The following GRHL2 variants were observed in gnomAD, a reference collection of about 807,000 sequenced individuals.
GRHL2 encodes the protein grainyhead like transcription factor 2.
A neutral mutation model predicts 83.8 loss-of-function variants in GRHL2; 21 were observed. That is an observed-to-expected ratio of 0.25 (90% CI 0.18 to 0.36). The LOEUF (loss-of-function observed/expected upper bound fraction) is 0.36. Among genes scored for constraint, GRHL2 ranks in the 10% least tolerant of loss-of-function variants. The probability of loss-of-function intolerance (pLI) is 1.00; values close to 1 mark genes in which losing one functional copy is unlikely to be tolerated. For synonymous variants in GRHL2, 280 were observed against 278.9 expected, an observed-to-expected ratio of 1.00 and a Z score of -0.04; for missense variants, 623 against 781.8, an observed-to-expected ratio of 0.80 and a Z score of 2.42.
chr8:101,657,166 A>G (rs975708836), intron 14 of GRHL2, among the ~76,000 whole-genome samples: 5 of 152,198 alleles, frequency 3.3e-5, no homozygotes, highest in African/African-American at 9.6e-5. Flanking sequence ...GCAAGAGTCC[A>G]CTGCTTTTTT....
At chr8:101,503,672 C>T (rs1810276734) in intron 1 of GRHL2, among the ~76,000 whole-genome samples, 1 of 152,020 alleles carries the variant, frequency 6.6e-6, no homozygotes, top group African/African-American at 2.4e-5. Flanking sequence ...TCAGTATAAC[C>T]CTAAAAGCCT....
chr8:101,584,787 CCAGGTGGCTAGGTGGT>C (rs1380205237), intron 7 of GRHL2, among the ~76,000 whole-genome samples: 62 of 151,386 alleles, frequency 4.1e-4, no homozygotes, highest in East Asian at 1.6e-3. Flanking sequence ...AGTCAGGTAG[CCAGGTGGCTAGGTGGT>C]CAGGTGGCTA....
chr8:101,586,587 A>G (rs938205733), intron 7 of GRHL2, among the ~76,000 whole-genome samples: 9 of 152,192 alleles, frequency 5.9e-5, no homozygotes, highest in African/African-American at 2.2e-4. Flanking sequence ...CACTTGGTTT[A>G]TTCATTCATT....
At chr8:101,519,564 T>TA (rs1183211910) in intron 1 of GRHL2, among the ~76,000 whole-genome samples, 2 of 151,734 alleles carry the variant, frequency 1.3e-5, no homozygotes, top group Non-Finnish European at 2.9e-5. Context: ...CCAGCTTTTT[T>TA]TTTTTTTTTT....
the GRHL2 span, among the ~76,000 whole-genome samples, chr8:101,676,683 C>A: frequency 6.6e-6 from 1 of 152,230 alleles, no homozygotes; most frequent in Non-Finnish European, 1.5e-5. Flanking sequence ...ACTAGAAATA[C>A]CATTTGACCC....
intron 8 of GRHL2, among the ~76,000 whole-genome samples, chr8:101,607,787 G>C (rs978527230): frequency 6.6e-6 from 1 of 152,110 alleles, no homozygotes; most frequent in African/African-American, 2.4e-5. Flanking sequence ...TGGAGTCTTT[G>C]GTATTGAACT....
chr8:101,634,157 C>T (rs1039496636), intron 11 of GRHL2, among the ~76,000 whole-genome samples: 1 of 152,130 alleles, frequency 6.6e-6, no homozygotes, highest in African/African-American at 2.4e-5. Context: ...GCCTATATAT[C>T]CCCCTGTATA....
chr8:101,570,410 A>T lies in GRHL2; in HGVS notation c.734+16A>T, dbSNP rs746506706. Reference sequence around the variant, plus strand: ...AGACATCAAGGTGAGTTACCAGGAGATGCATCCTTAGAAACTGATTAACTG... The same window carrying T: ...AGACATCAAGGTGAGTTACCAGGAGTTGCATCCTTAGAAACTGATTAACTG... On this transcript the variant is annotated intron_variant, in intron 5 of 15. Transcript: ENST00000646743. The T allele has an allele frequency of 1.9e-6, 3 of 1,601,678 alleles. No homozygotes were observed. The highest frequency in any genetic ancestry group is 1.7e-6 in the Non-Finnish European group (2 of 1,168,628).
intron 9 of GRHL2, among the ~76,000 whole-genome samples, chr8:101,623,320 T>C (rs1057355207): frequency 1.3e-5 from 2 of 152,210 alleles, no homozygotes; most frequent in East Asian, 3.9e-4. Context: ...AGTAGGACAG[T>C]ACACAGTAGA....
chr8:101,622,590 G>A (rs537439423), intron 9 of GRHL2, among the ~76,000 whole-genome samples: 2 of 152,290 alleles, frequency 1.3e-5, no homozygotes, highest in South Asian at 4.1e-4. Flanking sequence ...GAGATTAACT[G>A]TAAGTGAAAG....
At chr8:101,561,135 T>G (rs1267915745) in intron 4 of GRHL2, among the ~76,000 whole-genome samples, 2 of 151,958 alleles carry the variant, frequency 1.3e-5, no homozygotes, top group Non-Finnish European at 2.9e-5. Flanking sequence ...TCATGTAGGT[T>G]TCTGATTCAT....
intron 3 of GRHL2, among the ~76,000 whole-genome samples, chr8:101,553,977 C>A (rs1037860244): frequency 4.6e-5 from 7 of 152,160 alleles, no homozygotes; most frequent in Non-Finnish European, 8.8e-5. Flanking sequence ...TCTTCCCCTG[C>A]AGTGGGATGG....
chr8:101,626,315 G>C (rs774271206), intron 9 of GRHL2, among the ~76,000 whole-genome samples: 2 of 152,018 alleles, frequency 1.3e-5, no homozygotes, highest in Non-Finnish European at 2.9e-5. Context: ...GACTGCAGCT[G>C]AAAATAAAGG....
At chr8:101,578,502 CAAAG>C (rs1325388302) in intron 7 of GRHL2, among the ~76,000 whole-genome samples, 1 of 152,284 alleles carries the variant, frequency 6.6e-6, no homozygotes, top group African/African-American at 2.4e-5. Flanking sequence ...AGATGCAGAG[CAAAG>C]TAGGGGAAGT....
chr8:101,675,578 G>T, the GRHL2 span, among the ~76,000 whole-genome samples: 52,168 of 151,282 alleles, frequency 0.34, 9,156 homozygotes, highest in South Asian at 0.49. Context: ...ACAAATGGAA[G>T]AACATTCCAT....
At chr8:101,633,497 TTC>T in intron 11 of GRHL2, among the ~76,000 whole-genome samples, 1 of 152,350 alleles carries the variant, frequency 6.6e-6, no homozygotes, top group South Asian at 2.1e-4. Flanking sequence ...TCCCCTAGTA[TTC>T]TGTGTTCTTT....
intron 1 of GRHL2, among the ~76,000 whole-genome samples, chr8:101,530,145 A>C (rs1046367107): frequency 2.6e-5 from 4 of 152,224 alleles, no homozygotes; most frequent in African/African-American, 9.6e-5. Flanking sequence ...AGAGAGAAAA[A>C]CAGTCCTCAA....
At chr8:101,562,252 C>T (rs1400098061) in intron 4 of GRHL2, 8 of 597,484 alleles carry the variant, frequency 1.3e-5, no homozygotes, top group Admixed American at 4.4e-5. Context: ...CACTGGTATT[C>T]GATAGGTTCA....
At chr8:101,663,128 A>T (rs1037278079) in intron 14 of GRHL2, among the ~76,000 whole-genome samples, 4 of 152,130 alleles carry the variant, frequency 2.6e-5, no homozygotes, top group African/African-American at 9.7e-5. Flanking sequence ...ATTTCTGTAG[A>T]CCTGATTACT....
Sources: gnomAD v4.1 joint callset for allele counts (sites outside exome capture counted in the v4.1 genomes callset) on GRCh38, gnomAD v4.1.1 for gene constraint, MANE v1.5 for transcripts, NCBI Gene and HGNC (gene_info 2026-07-23, HGNC 2026-07-21) for gene names.